MITF: variants seen among roughly 807,000 people sequenced by gnomAD.
MITF encodes microphthalmia-associated transcription factor.
In MITF, 17 loss-of-function variants were observed where a neutral mutation model predicts 60.5. That is an observed-to-expected ratio of 0.28 (90% CI 0.19 to 0.42). MITF has a LOEUF of 0.42. Ranked by LOEUF, MITF falls within the 10% of genes least tolerant of loss-of-function variation. MITF has a pLI of 1.00. For synonymous variants in MITF, 260 were observed against 248.5 expected, an observed-to-expected ratio of 1.05 and a Z score of -0.43; for missense variants, 622 against 683.5, an observed-to-expected ratio of 0.91 and a Z score of 1.00.
intron 1 of MITF, among the ~76,000 whole-genome samples, chr3:69,818,783 A>C (rs1002783713): frequency 6.6e-6 from 1 of 152,236 alleles, no homozygotes; most frequent in Non-Finnish European, 1.5e-5. Flanking sequence ...TTTTCATAAA[A>C]TATTGAGAGG....
At chr3:69,869,684 C>T (rs1475208214) in intron 1 of MITF, among the ~76,000 whole-genome samples, 1 of 152,166 alleles carries the variant, frequency 6.6e-6, no homozygotes, top group Non-Finnish European at 1.5e-5. Flanking sequence ...AAGGACTACT[C>T]ACTCCTGCCA....
At chr3:69,855,478 C>A (rs578192160) in intron 1 of MITF, among the ~76,000 whole-genome samples, 1 of 151,660 alleles carries the variant, frequency 6.6e-6, no homozygotes, top group Non-Finnish European at 1.5e-5. Flanking sequence ...ATGATAGGGC[C>A]TTTTGACCTC....
At chr3:69,933,469 G>A (rs2065767128) in intron 2 of MITF, among the ~76,000 whole-genome samples, 1 of 152,120 alleles carries the variant, frequency 6.6e-6, no homozygotes, top group African/African-American at 2.4e-5. Context: ...GCTGAAGTGT[G>A]ACAGTTAGGA....
In MITF at chr3:69,798,959, T is replaced by G. The variant is rs112493113; in HGVS notation, c.104+59258T>G. ...AATTTGCTTGTCCTTTTACATTTAT[T>G]TGTGTGATCATTTGATGAATTCTGT... is the stretch of plus-strand genomic sequence containing the variant. On this transcript the variant is annotated intron_variant, in intron 1 of 9. Coordinates refer to ENST00000352241, the MANE Select transcript of MITF (RefSeq NM_001354604.2). Among the ~76,000 whole-genome samples the G allele has an allele frequency of 4.3e-3, 662 of 152,298 alleles. 6 individuals are homozygous for G. The highest frequency in any genetic ancestry group is 0.015 in the African/African-American group (614 of 41,556).
chr3:69,740,350 A>T (rs1410399304), intron 1 of MITF, among the ~76,000 whole-genome samples: 1 of 152,006 alleles, frequency 6.6e-6, no homozygotes, highest in African/African-American at 2.4e-5. Flanking sequence ...AACTCTCTGG[A>T]AATAGAGTCC....
intron 1 of MITF, among the ~76,000 whole-genome samples, chr3:69,877,864 ATACT>A (rs1288508714): frequency 2.6e-5 from 4 of 152,186 alleles, no homozygotes; most frequent in African/African-American, 4.8e-5. Flanking sequence ...CAAAGTACAA[ATACT>A]TACCTCGAAG....
At chr3:69,883,369 T>G (rs1226033674) in intron 2 of MITF, among the ~76,000 whole-genome samples, 2 of 152,178 alleles carry the variant, frequency 1.3e-5, no homozygotes, top group African/African-American at 4.8e-5. Flanking sequence ...TGTATTGAGA[T>G]TCTAGCGAGG....
At chr3:69,948,435 A>G (rs1198030486) in intron 5 of MITF, among the ~76,000 whole-genome samples, 2 of 151,788 alleles carry the variant, frequency 1.3e-5, no homozygotes, top group Non-Finnish European at 2.9e-5. Flanking sequence ...TTGAAAGTGT[A>G]AATTTTTGCT....
chr3:69,960,356 G>A (rs1243826194), intron 9 of MITF, among the ~76,000 whole-genome samples: 1 of 152,096 alleles, frequency 6.6e-6, no homozygotes, highest in Non-Finnish European at 1.5e-5. Flanking sequence ...TTATTAATAT[G>A]TGCCATTTGT....
chr3:69,824,665 A>T (rs1209117691), intron 1 of MITF, among the ~76,000 whole-genome samples: 1 of 152,060 alleles, frequency 6.6e-6, no homozygotes. Flanking sequence ...TTCCCACAGC[A>T]CTTGTGGCTT....
chr3:69,951,190 T>A (rs1201238030), intron 6 of MITF, among the ~76,000 whole-genome samples: 1 of 149,340 alleles, frequency 6.7e-6, no homozygotes, highest in Non-Finnish European at 1.5e-5. Context: ...CTCGACCTCC[T>A]GGGCTCAAGT....
chr3:69,842,969 A>G (rs1258706547), intron 1 of MITF, among the ~76,000 whole-genome samples: 1 of 152,110 alleles, frequency 6.6e-6, no homozygotes, highest in Non-Finnish European at 1.5e-5. Context: ...CCCTGGCTGG[A>G]GTCTGGAGGT....
chr3:69,843,591 G>A (rs148167830), intron 1 of MITF, among the ~76,000 whole-genome samples: 4 of 152,242 alleles, frequency 2.6e-5, no homozygotes, highest in African/African-American at 9.6e-5. Flanking sequence ...ACTCTTGGGT[G>A]AAGTGTCTCT....
chr3:69,776,454 G>C (rs1007784632), intron 1 of MITF, among the ~76,000 whole-genome samples: 2 of 152,170 alleles, frequency 1.3e-5, no homozygotes, highest in African/African-American at 4.8e-5. Flanking sequence ...TGACATTTGC[G>C]TGTTTGAGTT....
chr3:69,768,543 C>T (rs142723310), intron 1 of MITF, among the ~76,000 whole-genome samples: 465 of 152,324 alleles, frequency 3.1e-3, no homozygotes, highest in Non-Finnish European at 5.5e-3. Context: ...GAAAAGTCTT[C>T]CATACATAAT....
At chr3:69,804,335 A>C (rs1302836013) in intron 1 of MITF, among the ~76,000 whole-genome samples, 32 of 107,166 alleles carry the variant, frequency 3.0e-4, no homozygotes, top group Admixed American at 4.7e-4. Context: ...TTTCCCCTTT[A>C]CTCCCTCTCT....
intron 1 of MITF, among the ~76,000 whole-genome samples, chr3:69,742,296 A>T (rs1703554295): frequency 6.6e-6 from 1 of 152,086 alleles, no homozygotes; most frequent in South Asian, 2.1e-4. Context: ...GAGGCCAGAG[A>T]TGCTGCTAAA....
At chr3:69,831,813 G>A (rs2063452191) in intron 1 of MITF, among the ~76,000 whole-genome samples, 1 of 152,184 alleles carries the variant, frequency 6.6e-6, no homozygotes, top group Non-Finnish European at 1.5e-5. Context: ...TAATCTGGGG[G>A]TTGTGTGCCT....
intron 1 of MITF, among the ~76,000 whole-genome samples, chr3:69,799,371 G>A (rs899970936): frequency 1.6e-4 from 25 of 152,126 alleles, no homozygotes; most frequent in African/African-American, 5.6e-4. Flanking sequence ...GGAAATAACT[G>A]GGAAGTGACC....
Sources: gnomAD v4.1 joint callset for allele counts (sites outside exome capture counted in the v4.1 genomes callset) on GRCh38, gnomAD v4.1.1 for gene constraint, MANE v1.5 for transcripts, NCBI Gene and HGNC (gene_info 2026-07-23, HGNC 2026-07-21) for gene names.